The following PAM variants were observed in gnomAD, a reference collection of about 807,000 sequenced individuals.
The protein encoded by PAM is peptidyl-glycine alpha-amidating monooxygenase.
PAM carries 72 observed loss-of-function variants against 122.1 expected under a neutral mutation model. The ratio of observed to expected loss-of-function variants is 0.59; its 90% CI spans 0.49 to 0.72. PAM has a LOEUF of 0.72. Among genes scored for constraint, PAM ranks in the 30% least tolerant of loss-of-function variants. The pLI is 0.00. For synonymous variants in PAM, 389 were observed against 404.4 expected, an observed-to-expected ratio of 0.96 and a Z score of 0.46; for missense variants, 1,106 against 1,183.7, an observed-to-expected ratio of 0.93 and a Z score of 0.96.
chr5:102,829,635 A>G (rs148500362), intron 1 of PAM, among the ~76,000 whole-genome samples: 16 of 152,314 alleles, frequency 1.1e-4, no homozygotes, highest in Non-Finnish European at 2.1e-4. Flanking sequence ...CGGCCTCCCA[A>G]AATGCTGGGA....
chr5:102,954,263 A>G (rs1403155626), intron 12 of PAM, among the ~76,000 whole-genome samples: 2 of 151,800 alleles, frequency 1.3e-5, no homozygotes, highest in African/African-American at 2.4e-5. Flanking sequence ...AGCAATGTAC[A>G]CTGTACCCAA....
intron 1 of PAM, among the ~76,000 whole-genome samples, chr5:102,761,001 G>A (rs192210739): frequency 2.6e-5 from 4 of 152,304 alleles, no homozygotes; most frequent in Admixed American, 2.6e-4. Flanking sequence ...ACTGTCTTGA[G>A]CTTTGTCTAC....
At chr5:102,780,803 CTTTCTTTCT>C (rs1758657108) in intron 1 of PAM, among the ~76,000 whole-genome samples, 1 of 142,504 alleles carries the variant, frequency 7.0e-6, no homozygotes. Flanking sequence ...TTCTTTCTTT[CTTTCTTTCT>C]TTCTTTCTTT....
intron 1 of PAM, among the ~76,000 whole-genome samples, chr5:102,766,926 A>ATAT (rs1754140859): frequency 7.7e-5 from 2 of 25,830 alleles, no homozygotes; most frequent in African/African-American, 2.7e-4. Context: ...TCAGTTGTGG[A>ATAT]TTTTTTTTTT....
intron 1 of PAM, among the ~76,000 whole-genome samples, chr5:102,761,645 A>G (rs1432949552): frequency 6.6e-6 from 1 of 152,244 alleles, no homozygotes. Flanking sequence ...TTTGTAGTGC[A>G]GTAACATTTT....
chr5:103,014,015 A>G (rs1251299540), intron 21 of PAM, among the ~76,000 whole-genome samples: 1 of 152,158 alleles, frequency 6.6e-6, no homozygotes, highest in Non-Finnish European at 1.5e-5. Context: ...ATTTTATTCC[A>G]TAGTGTTTCA....
At chr5:102,966,571 G>A (rs865929984) in intron 14 of PAM, among the ~76,000 whole-genome samples, 33 of 152,062 alleles carry the variant, frequency 2.2e-4, no homozygotes, top group Non-Finnish European at 3.8e-4. Context: ...AATATTGTGG[G>A]ACAGTAATAA....
intron 16 of PAM, among the ~76,000 whole-genome samples, chr5:102,995,978 ATATAAT>A (rs58193229): frequency 1.7e-4 from 26 of 151,980 alleles, no homozygotes; most frequent in African/African-American, 5.3e-4. Flanking sequence ...TTCTTAATTT[ATATAAT>A]TATATTATAT....
At chr5:102,995,150 C>T (rs541333839) in intron 16 of PAM, among the ~76,000 whole-genome samples, 2 of 152,234 alleles carry the variant, frequency 1.3e-5, no homozygotes, top group African/African-American at 2.4e-5. Flanking sequence ...TCAACTTCTG[C>T]GATTTCTTTC....
At chr5:102,825,043 G>A (rs1039564030) in intron 1 of PAM, among the ~76,000 whole-genome samples, 6 of 152,152 alleles carry the variant, frequency 3.9e-5, no homozygotes, top group African/African-American at 9.7e-5. Flanking sequence ...TAGCTAATGC[G>A]AAAGCACCTT....
chr5:102,974,620 T>C, intron 15 of PAM, 184 bp downstream of exon 15: 1 of 504,994 alleles, frequency 2.0e-6, no homozygotes, highest in Non-Finnish European at 3.5e-6. Flanking sequence ...TTTGTTTTGG[T>C]TTTGGTCTAT....
intron 24 of PAM, 102 bp from the exon 25 acceptor site, chr5:103,028,083 G>T: frequency 1.2e-6 from 1 of 862,626 alleles, no homozygotes. Context: ...GCCAGGCCTT[G>T]CTTTATCATT....
At chr5:102,932,240 A>C (rs150002079) in intron 7 of PAM, among the ~76,000 whole-genome samples, 8 of 152,260 alleles carry the variant, frequency 5.3e-5, no homozygotes, top group African/African-American at 1.7e-4. Flanking sequence ...TCACGCCTGT[A>C]ATCTCAGGAG....
intron 14 of PAM, 89 bp from the exon 15 acceptor site, chr5:102,974,027 T>C (rs1766756435): frequency 2.6e-6 from 2 of 782,732 alleles, no homozygotes; most frequent in African/African-American, 3.5e-5. Flanking sequence ...TTATGAGAAA[T>C]GAGTAGATAT....
intron 21 of PAM, among the ~76,000 whole-genome samples, chr5:103,014,431 A>G (rs1186542620): frequency 1.3e-5 from 2 of 152,246 alleles, no homozygotes; most frequent in Non-Finnish European, 1.5e-5. Context: ...AAGACTTGAT[A>G]TTACACCAAA....
chr5:102,860,074 T>G (rs754150860), intron 1 of PAM, among the ~76,000 whole-genome samples: 18 of 152,242 alleles, frequency 1.2e-4, no homozygotes, highest in African/African-American at 4.1e-4. Context: ...TGCTGTTCTA[T>G]AATTTGCTGT....
chr5:102,898,950 A>T (rs923711049), intron 3 of PAM, among the ~76,000 whole-genome samples: 14 of 151,616 alleles, frequency 9.2e-5, no homozygotes, highest in African/African-American at 3.4e-4. Flanking sequence ...GGTGTCTGTA[A>T]TACCTACCGA....
intron 21 of PAM, among the ~76,000 whole-genome samples, chr5:103,014,910 C>T (rs1348223254): frequency 3.9e-5 from 6 of 152,230 alleles, no homozygotes; most frequent in African/African-American, 1.4e-4. Flanking sequence ...ACACACCCTT[C>T]GGACAGGCAT....
At chr5:102,860,672 C>T (rs962833665) in intron 1 of PAM, among the ~76,000 whole-genome samples, 5 of 151,054 alleles carry the variant, frequency 3.3e-5, no homozygotes, top group African/African-American at 1.2e-4. Flanking sequence ...GGCAACAGAG[C>T]GTGAGACCCT....
Sources: gnomAD v4.1 joint callset for allele counts (sites outside exome capture counted in the v4.1 genomes callset) on GRCh38, gnomAD v4.1.1 for gene constraint, MANE v1.5 for transcripts, NCBI Gene and HGNC (gene_info 2026-07-23, HGNC 2026-07-21) for gene names.